ZPLD1: variants seen among roughly 807,000 people sequenced by gnomAD.
ZPLD1 encodes zona pellucida-like domain-containing protein 1.
In ZPLD1, 34 loss-of-function variants were observed where a neutral mutation model predicts 47.2. The ratio of observed to expected loss-of-function variants is 0.72; its 90% CI spans 0.55 to 0.96. ZPLD1 has a LOEUF of 0.96. Among genes scored for constraint, ZPLD1 ranks in the 40% least tolerant of loss-of-function variants. The pLI is 0.00. For missense variants in ZPLD1, 512 were observed against 505.8 expected (o/e 1.01, Z -0.12); for synonymous variants, 176 against 186.2 (o/e 0.95, Z 0.45).
In ZPLD1 at chr3:102,452,899, T is replaced by G. The variant is rs1316689223; in HGVS notation, c.107-20T>G. ...CTGCTTTTCTGACTTATGTTTGTTT[T>G]TTATATATTTTTATTTCAGCTGAAA... is the stretch of plus-strand genomic sequence containing the variant. On this transcript the variant is annotated intron_variant, in intron 3 of 11. Transcript: ENST00000466937. 6.2e-7 allele frequency: 1 copy of G among 1,609,102 alleles called. No individual in the cohort carries two copies. The highest frequency in any genetic ancestry group is 1.7e-5 in the Admixed American group (1 of 59,758).
At chr3:102,450,953 T>C (rs1358389596) in intron 3 of ZPLD1, among the ~76,000 whole-genome samples, 1 of 152,230 alleles carries the variant, frequency 6.6e-6, no homozygotes, top group Non-Finnish European at 1.5e-5. Context: ...TGTTTATTAT[T>C]TTCTAGGTTG....
At chr3:102,448,151 G>C (rs1707285759) in intron 3 of ZPLD1, among the ~76,000 whole-genome samples, 1 of 152,122 alleles carries the variant, frequency 6.6e-6, no homozygotes. Flanking sequence ...TCTATGAAAA[G>C]CTTAGCTTGA....
upstream of ZPLD1, among the ~76,000 whole-genome samples, chr3:102,431,231 AG>A (rs1281921826): frequency 1.3e-5 from 2 of 152,196 alleles, no homozygotes; most frequent in Non-Finnish European, 2.9e-5. Context: ...AGAAAATTGG[AG>A]TAGGTTTTTC....
At chr3:102,472,643 G>C (rs200426121) in intron 10 of ZPLD1, among the ~76,000 whole-genome samples, 2 of 151,884 alleles carry the variant, frequency 1.3e-5, no homozygotes, top group Non-Finnish European at 2.9e-5. Flanking sequence ...CTCAGTTCTT[G>C]TTGCCAAATA....
rs1280817166 is a variant in ZPLD1 at position 102,470,449 on chromosome 3, A to G, written c.989A>G (p.Gln330Arg). 1 of 1,614,054 alleles carries G rather than the reference A, an allele frequency of 6.2e-7. No individual in the cohort carries two copies. The highest frequency in any genetic ancestry group is 1.1e-5 in the South Asian group (1 of 91,066). The change falls in exon 10 of 12, where the codon CAG (glutamine) becomes CGG (arginine). Residue 330 changes from glutamine (Q) to arginine (R), a missense_variant. Gln to Arg is a conservative substitution (Grantham distance 43, BLOSUM62 1). Transcript: ENST00000466937. ...DAGRRTTWSP[Q>R]SSSGSAVLSA... ...GGGAGGAGGACGACTTGGAGCCCCC[A>G]GAGCTCTTCTGGCAGCGCGGTGCTC...
chr3:102,425,156 T>C (rs940212550), intron 8 of ZPLD1, among the ~76,000 whole-genome samples: 3 of 152,178 alleles, frequency 2.0e-5, no homozygotes, highest in Non-Finnish European at 1.5e-5. Context: ...ATATTTCATC[T>C]TTGTTTTATG....
chr3:102,441,995 A>G (rs1707185888), intron 3 of ZPLD1, among the ~76,000 whole-genome samples: 1 of 152,168 alleles, frequency 6.6e-6, no homozygotes, highest in African/African-American at 2.4e-5. Flanking sequence ...TAAGGCTACC[A>G]TCTCCCTTGA....
At chr3:102,408,672 A>C (rs1051589273) in intron 7 of ZPLD1, among the ~76,000 whole-genome samples, 1 of 151,868 alleles carries the variant, frequency 6.6e-6, no homozygotes, top group African/African-American at 2.4e-5. Flanking sequence ...ACAGTCTAAA[A>C]AAAGAATGGC....
intron 8 of ZPLD1, among the ~76,000 whole-genome samples, chr3:102,420,280 A>C (rs532422847): frequency 2.6e-5 from 4 of 152,068 alleles, no homozygotes; most frequent in African/African-American, 9.6e-5. Flanking sequence ...TATATTAATG[A>C]GAAAGTACTG....
Position 102,478,660 on chromosome 3 carries a change from T to C in ZPLD1, c.*1042T>C, listed in dbSNP as rs1707795525. 1 of 152,192 alleles carries C rather than the reference T, an allele frequency of 6.6e-6. No homozygotes were observed. Among genetic ancestry groups the C allele is most frequent in the South Asian group, 2.1e-4 (1 of 4,836 alleles). The allele number at this position is 152,192 out of a possible 1,614,324, so 9.4% of individuals were successfully genotyped here. On this transcript the variant is annotated 3_prime_UTR_variant, in exon 12 of 12. Coordinates refer to ENST00000466937, the MANE Select transcript of ZPLD1 (RefSeq NM_001329788.2). ...GGTTTCTTTTTAAGGTATCTTCTTG[T>C]AGGTGTCATAATTGCCATGAATAAA...
intron 10 of ZPLD1, among the ~76,000 whole-genome samples, chr3:102,472,002 C>T (rs1707692883): frequency 1.3e-5 from 2 of 152,136 alleles, no homozygotes; most frequent in South Asian, 4.1e-4. Flanking sequence ...TGCTGCCCAT[C>T]CCACAGTCAA....
intron 10 of ZPLD1, among the ~76,000 whole-genome samples, chr3:102,476,156 T>C (rs1195982733): frequency 6.6e-6 from 1 of 152,182 alleles, no homozygotes; most frequent in Non-Finnish European, 1.5e-5. Context: ...TATGTGGTTT[T>C]ATACACATAT....
At chr3:102,418,395 T>C (rs1307260320) in intron 8 of ZPLD1, among the ~76,000 whole-genome samples, 5 of 152,052 alleles carry the variant, frequency 3.3e-5, no homozygotes, top group Non-Finnish European at 1.5e-5. Context: ...ATCTTAAATA[T>C]AGCAAAAGGA....
Position 102,452,991 on chromosome 3 carries a change from T to C in ZPLD1, c.179T>C (p.Phe60Ser), listed in dbSNP as rs145406068. The C allele has an allele frequency of 6.2e-7, 1 of 1,614,042 alleles. No individual in the cohort carries two copies. Among genetic ancestry groups the C allele is most frequent in the African/African-American group, 1.3e-5 (1 of 74,930 alleles). Residue 60 changes from phenylalanine to serine, a missense_variant, in exon 4 of 12, where the codon TTC (phenylalanine) becomes TCC (serine). Physicochemically the swap from Phe to Ser is radical, Grantham distance 155. Transcript: ENST00000466937. Reference protein sequence around the residue: ...TMKINFCTVLFSGYSETDLAL... With the variant: ...TMKINFCTVLSSGYSETDLAL... ...AAGATTAATTTTTGCACGGTACTTT[T>C]CTCGGGTTATTCGGAAACAGATCTG...
chr3:102,458,010 G>A (rs1707445671), intron 6 of ZPLD1, among the ~76,000 whole-genome samples, 157 bp downstream of exon 6: 1 of 152,056 alleles, frequency 6.6e-6, no homozygotes, highest in African/African-American at 2.4e-5. Context: ...ATATATCTTA[G>A]TGATAAAGGT....
chr3:102,419,629 C>T lies in ZPLD1; in HGVS notation c.-9+1422C>T, dbSNP rs566632231. Among the ~76,000 whole-genome samples the T allele has an allele frequency of 8.8e-5, 13 of 148,130 alleles. 1 individual carries two copies. Among genetic ancestry groups the T allele is most frequent in the Admixed American group, 7.5e-4 (11 of 14,684 alleles). ...CCTATAATAATGCAGAGGTAATAAA[C>T]GACTGATTTTTTTTTTTTTGCAAGG... is the stretch of plus-strand genomic sequence containing the variant. On this transcript the variant is annotated intron_variant, in intron 8 of 17. Transcript: ENST00000491959.
At chr3:102,392,583 C>G (rs1450205837) in intron 7 of ZPLD1, among the ~76,000 whole-genome samples, 1 of 149,754 alleles carries the variant, frequency 6.7e-6, no homozygotes, top group Non-Finnish European at 1.5e-5. Context: ...CTTCCCCCTT[C>G]CTTCTTTCTT....
rs148057384 is a variant in ZPLD1 at position 102,395,674 on chromosome 3, C to G, written c.-157+3449C>G. On this transcript the variant is annotated intron_variant, in intron 7 of 17. Coordinates refer to the ZPLD1 transcript ENST00000491959. ...CTACGATATTTGGAGTAATTCGTAA[C>G]AGAAAACCAATGCACCTGTGCACAT... 2.4e-3 allele frequency among the ~76,000 whole-genome samples: 364 copies of G among 152,248 alleles called. 1 individual carries two copies. The highest frequency in any genetic ancestry group is 8.3e-3 in the African/African-American group (344 of 41,572).
chr3:102,406,054 A>G (rs1474204918), intron 7 of ZPLD1, among the ~76,000 whole-genome samples: 2 of 151,998 alleles, frequency 1.3e-5, no homozygotes, highest in Non-Finnish European at 2.9e-5. Context: ...ATGGGATCTG[A>G]CAGAAACGCT....
Sources: gnomAD v4.1 joint callset for allele counts (sites outside exome capture counted in the v4.1 genomes callset) on GRCh38, gnomAD v4.1.1 for gene constraint, MANE v1.5 for transcripts, NCBI Gene and HGNC (gene_info 2026-07-23, HGNC 2026-07-21) for gene names.